The following COL13A1 variants were observed in gnomAD, a reference collection of about 807,000 sequenced individuals.
COL13A1 encodes the protein collagen type XIII alpha 1 chain, also known as collagen alpha-1(XIII) chain.
A neutral mutation model predicts 130.9 loss-of-function variants in COL13A1; 89 were observed. The observed-to-expected ratio is 0.68, with a 90% CI of 0.57 to 0.81. The LOEUF is 0.81. COL13A1 is among the 30% of genes least tolerant of loss of function. The pLI, the probability that COL13A1 is intolerant of heterozygous loss-of-function variation, is 0.00. For missense variants in COL13A1, 879 were observed against 934.6 expected, an observed-to-expected ratio of 0.94 and a Z score of 0.78; for synonymous variants, 402 against 341.6, an observed-to-expected ratio of 1.18 and a Z score of -1.95.
chr10:69,902,680 C>T lies in COL13A1; in HGVS notation c.751-68C>T, dbSNP rs928716781. On this transcript the variant is annotated intron_variant, in intron 14 of 40. Transcript: ENST00000645393. ...CAGCAGGCCTTCACTGGGTGCATGG[C>T]CTGAGGGTGGGGGACGGTCTGCAGC... 8 of 1,345,936 alleles carry T rather than the reference C, an allele frequency of 5.9e-6. No homozygotes were observed. The East Asian group carries it at 1.6e-4, about 27-fold the overall frequency. The allele number at this position is 1,345,936 out of a possible 1,614,324, so 83.4% of individuals were successfully genotyped here.
intron 17 of COL13A1, among the ~76,000 whole-genome samples, chr10:69,910,228 G>A (rs1381619343): frequency 6.6e-6 from 1 of 151,856 alleles, no homozygotes; most frequent in Non-Finnish European, 1.5e-5. Flanking sequence ...CTAACACGAA[G>A]GGTGGCTTGG....
intron 25 of COL13A1, 107 bp from the exon 26 acceptor site, chr10:69,925,697 C>A (rs549906162): frequency 3.9e-6 from 3 of 774,496 alleles, no homozygotes; most frequent in African/African-American, 1.7e-5. Context: ...TGGGTCCACC[C>A]ATGTGCAGCT....
At chr10:69,947,229 A>G in intron 37 of COL13A1, 78 bp from the exon 38 acceptor site, 2 of 1,318,512 alleles carry the variant, frequency 1.5e-6, no homozygotes, top group Non-Finnish European at 2.2e-6. Flanking sequence ...GGAGAGTTTG[A>G]TGAGCCTGGA....
intron 21 of COL13A1, among the ~76,000 whole-genome samples, chr10:69,921,630 A>G (rs1454543092): frequency 6.6e-6 from 1 of 152,172 alleles, no homozygotes; most frequent in Non-Finnish European, 1.5e-5. Context: ...CCCAGCATGA[A>G]TGACAAGGGC....
At position 69,889,286 on chromosome 10, in the gene COL13A1, C is replaced by T. The variant is rs983131898; in HGVS notation, c.577-128C>T. The T allele has an allele frequency of 5.6e-5, 66 of 1,177,294 alleles. No homozygotes were observed. In the African/African-American group the frequency reaches 9.0e-4, roughly 16 times the overall value. The allele number at this position is 1,177,294 out of a possible 1,614,324, so 72.9% of individuals were successfully genotyped here. ...CACAAGCCAGAAGGTGCAGATGGAG[C>T]ACAGGGGACAGGGAGGAGCACGGGG... On this transcript the variant is annotated intron_variant, in intron 9 of 40. Transcript: ENST00000645393.
chr10:69,932,625 C>G (rs1314243929), intron 31 of COL13A1, 21 bp downstream of exon 31: 1 of 1,551,726 alleles, frequency 6.4e-7, no homozygotes, highest in East Asian at 2.2e-5. Flanking sequence ...GATAATTTGA[C>G]AGAGACTCAT....
chr10:69,913,224 CA>C (rs1178218057), intron 17 of COL13A1, among the ~76,000 whole-genome samples: 3 of 152,200 alleles, frequency 2.0e-5, no homozygotes, highest in Non-Finnish European at 4.4e-5. Context: ...GCCATCACAC[CA>C]TGCACGTGGC....
At chr10:69,922,435 C>T (rs1356039260) in intron 22 of COL13A1, among the ~76,000 whole-genome samples, 2 of 152,194 alleles carry the variant, frequency 1.3e-5, no homozygotes, top group African/African-American at 2.4e-5. Flanking sequence ...TGAATATTCT[C>T]AACCCACTGA....
At chr10:69,936,446 A>G (rs1263739663) in intron 32 of COL13A1, among the ~76,000 whole-genome samples, 9 of 152,132 alleles carry the variant, frequency 5.9e-5, no homozygotes. Flanking sequence ...TGTTCCAAGC[A>G]CTTTGCCTGT....
At position 69,875,559 on chromosome 10, in the gene COL13A1, G is replaced by A. The variant is rs71480615; in HGVS notation, c.435+396G>A. ...ACAGCTGCTCCTGCAACCACCCCTCGGTGGAGCCAGGGTTCCCAGGGGCCT... is the reference window on the plus strand; with the variant it reads ...ACAGCTGCTCCTGCAACCACCCCTCAGTGGAGCCAGGGTTCCCAGGGGCCT... On this transcript the variant is annotated intron_variant, in intron 5 of 40. Coordinates refer to ENST00000645393, the MANE Select transcript of COL13A1 (RefSeq NM_001368882.1). Among the ~76,000 whole-genome samples, 655 of 152,304 alleles carry A rather than the reference G, an allele frequency of 4.3e-3. 3 individuals carry two copies. The highest frequency in any genetic ancestry group is 7.4e-3 in the Non-Finnish European group (506 of 68,026).
intron 1 of COL13A1, among the ~76,000 whole-genome samples, 163 bp from the exon 2 acceptor site, chr10:69,822,206 A>T (rs544146405): frequency 1.3e-5 from 2 of 152,130 alleles, no homozygotes. Flanking sequence ...TATTACCCAG[A>T]TGCCCGGTGG....
intron 7 of COL13A1, 91 bp from the exon 8 acceptor site, chr10:69,887,365 G>A: frequency 7.5e-7 from 1 of 1,339,396 alleles, no homozygotes. Flanking sequence ...CAAAGTGAGA[G>A]GGATGGGAGC....
At chr10:69,907,013 G>A (rs940544208) in intron 17 of COL13A1, among the ~76,000 whole-genome samples, 71 of 152,206 alleles carry the variant, frequency 4.7e-4, no homozygotes, top group African/African-American at 1.6e-3. Flanking sequence ...ACAGGCGTGA[G>A]CCACCGCGCC....
chr10:69,856,815 G>A (rs1419927233), intron 2 of COL13A1, among the ~76,000 whole-genome samples: 1 of 152,226 alleles, frequency 6.6e-6, no homozygotes, highest in Non-Finnish European at 1.5e-5. Flanking sequence ...TCTAGGTCCT[G>A]TGGGAGGATC....
Position 69,944,150 on chromosome 10 carries a change from C to T in COL13A1, c.1940C>T (p.Pro647Leu), listed in dbSNP as rs1418354861. The change falls in exon 36 of 41, where the codon CCA becomes CTA. Residue 647 changes from proline to leucine, a missense_variant. Pro to Leu is a moderately conservative substitution (Grantham distance 98). Around this residue, in one of 3 missense-constraint regions of COL13A1, gnomAD observed 96 missense variants for 147.7 expected, o/e 0.65. Coordinates refer to ENST00000645393, the MANE Select transcript of COL13A1 (RefSeq NM_001368882.1). ...PPGTPGPIGV[P>L]GPAGPKGERG... ...GGTACTCCAGGACCAATTGGAGTTC[C>T]AGGCCCAGCGGGACCAAAGGGCGAG... The T allele has an allele frequency of 6.2e-7, 1 of 1,613,764 alleles. No individual in the cohort carries two copies. The highest frequency in any genetic ancestry group is 8.5e-7 in the Non-Finnish European group (1 of 1,179,852).
Position 69,948,416 on chromosome 10 carries a change from C to A in COL13A1, c.2058+1074C>A, listed in dbSNP as rs531851345. Among the ~76,000 whole-genome samples the A allele has an allele frequency of 5.3e-4, 80 of 152,166 alleles. 1 individual carries two copies. Among genetic ancestry groups the A allele is most frequent in the Non-Finnish European group, 1.1e-3 (72 of 68,022 alleles). Reference sequence around the variant, plus strand: ...CTCTTCACTGGCAGCTGGTCAAAAGCAACTCAGTTTGTCCCGCATCTTCTA... The same window carrying A: ...CTCTTCACTGGCAGCTGGTCAAAAGAAACTCAGTTTGTCCCGCATCTTCTA... On this transcript the variant is annotated intron_variant, in intron 38 of 40. Transcript: ENST00000645393.
At chr10:69,857,027 T>C (rs1310775337) in intron 2 of COL13A1, among the ~76,000 whole-genome samples, 1 of 152,130 alleles carries the variant, frequency 6.6e-6, no homozygotes, top group Non-Finnish European at 1.5e-5. Flanking sequence ...TCCCTATCTG[T>C]GTGTGGCAGC....
intron 7 of COL13A1, among the ~76,000 whole-genome samples, chr10:69,882,202 A>G (rs1392101081): frequency 6.6e-6 from 1 of 152,224 alleles, no homozygotes; most frequent in Non-Finnish European, 1.5e-5. Context: ...GTAACACAGC[A>G]TACAGGCCCT....
rs538730570 is a variant in COL13A1, at chr10:69,898,738, G to T, written c.726G>T (p.Pro242=). The part of the protein sequence containing the change: ...LLNSVRLAPP[P]VIKRRTFQGE... ...ATTCAGTGCGACTGGCTCCACCCCC[G>T]GTCATAAAAAGGCGGACGTTCCAGG... The change falls in exon 14 of 41, where the codon CCG becomes CCT. Residue 242 remains proline, a synonymous_variant. Transcript: ENST00000645393. 2.0e-5 allele frequency: 32 copies of T among 1,613,174 alleles called. No homozygotes were observed. Among genetic ancestry groups the T allele is most frequent in the Non-Finnish European group, 2.3e-5 (27 of 1,179,564 alleles).
Sources: allele counts gnomAD v4.1 joint callset (sites outside exome capture counted in the v4.1 genomes callset), GRCh38; gene constraint gnomAD v4.1.1; regional missense constraint gnomAD v4.1.1; transcripts MANE v1.5; gene names NCBI Gene and HGNC (gene_info 2026-07-23, HGNC 2026-07-21).